Variants in EYA2 observed in about 807,000 individuals in gnomAD.
EYA2 encodes the protein EYA transcriptional coactivator and phosphatase 2, also known as protein phosphatase EYA2.
In EYA2, 31 loss-of-function variants were observed where a neutral mutation model predicts 69.2. That is an observed-to-expected ratio of 0.45 (90% CI 0.34 to 0.60). The LOEUF (loss-of-function observed/expected upper bound fraction) is 0.60, where lower values mean the gene tolerates loss of function less well. Among genes scored for constraint, EYA2 ranks in the 20% least tolerant of loss-of-function variants. The pLI, the probability that EYA2 is intolerant of heterozygous loss-of-function variation, is 0.02. For synonymous variants in EYA2, 257 were observed against 279.4 expected (o/e 0.92, Z 0.80); for missense variants, 622 against 701.2 (o/e 0.89, Z 1.28).
chr20:47,057,505 A>C (rs1300182498), intron 5 of EYA2, among the ~76,000 whole-genome samples: 2 of 131,100 alleles, frequency 1.5e-5, no homozygotes, highest in East Asian at 2.2e-4. Context: ...ACTACTTTTT[A>C]TATCACCCCC....
At position 47,188,337 on chromosome 20, in the gene EYA2, G is replaced by C. The variant is rs1005875676; in HGVS notation, c.*204G>C. ...AAGGAAAGTACCCAACATTGGCTTC[G>C]GAGTATTTGACTTTGGGGAAAAGGG... On this transcript the variant is annotated 3_prime_UTR_variant, in exon 16 of 16. Transcript: ENST00000327619. 1.6e-6 allele frequency: 1 copy of C among 607,884 alleles called. No homozygotes were observed. Among genetic ancestry groups the C allele is most frequent in the African/African-American group, 1.9e-5 (1 of 53,980 alleles). The allele number at this position is 607,884 out of a possible 1,614,324, so 37.7% of individuals were successfully genotyped here.
chr20:47,049,407 A>G (rs948715915), intron 5 of EYA2, among the ~76,000 whole-genome samples: 2 of 152,254 alleles, frequency 1.3e-5, no homozygotes, highest in East Asian at 3.9e-4. Context: ...TGTCCTCTCC[A>G]CATTGTTGGA....
chr20:47,169,100 G>GTT (rs750630302), intron 10 of EYA2, 39 bp from the exon 11 acceptor site: 2 of 1,506,958 alleles, frequency 1.3e-6, no homozygotes, highest in South Asian at 1.1e-5. Context: ...AACCAGGCAT[G>GTT]TTCTCTCTCT....
chr20:46,967,759 G>A (rs1227803669), intron 1 of EYA2, among the ~76,000 whole-genome samples: 1 of 152,202 alleles, frequency 6.6e-6, no homozygotes, highest in African/African-American at 2.4e-5. Flanking sequence ...GTGCACAGCA[G>A]TGCTGCACTC....
At position 47,034,837 on chromosome 20, in the gene EYA2, C is replaced by CT. The variant is rs376755609; in HGVS notation, c.415+18541dup. Among the ~76,000 whole-genome samples the CT allele has an allele frequency of 2.2e-3, 331 of 152,320 alleles. 1 individual carries two copies. Among genetic ancestry groups the CT allele is most frequent in the African/African-American group, 7.7e-3 (321 of 41,566 alleles). ...CAGAGGGAGACTGTCCCATGCCTCT[C>CT]TCCTGGCTTCTGGTGGTGGCAGGCA... On this transcript the variant is annotated intron_variant, in intron 5 of 15. Transcript: ENST00000327619.
chr20:47,003,346 T>C (rs1323948644), intron 3 of EYA2, among the ~76,000 whole-genome samples: 2 of 152,230 alleles, frequency 1.3e-5, no homozygotes, highest in African/African-American at 4.8e-5. Flanking sequence ...AATAGGACAG[T>C]GCCTGGCACG....
intron 9 of EYA2, among the ~76,000 whole-genome samples, chr20:47,114,280 A>G (rs2032832961): frequency 6.6e-6 from 1 of 152,212 alleles, no homozygotes; most frequent in African/African-American, 2.4e-5. Flanking sequence ...GTCCCCCTTT[A>G]AGGGTGACGT....
chr20:47,012,642 C>T (rs1482578360), intron 4 of EYA2, among the ~76,000 whole-genome samples: 1 of 152,154 alleles, frequency 6.6e-6, no homozygotes, highest in African/African-American at 2.4e-5. Context: ...TAGAGGTGTG[C>T]ACCACCACAC....
At chr20:46,927,768 A>G (rs571208437) in intron 1 of EYA2, among the ~76,000 whole-genome samples, 10 of 152,166 alleles carry the variant, frequency 6.6e-5, no homozygotes, top group Non-Finnish European at 8.8e-5. Context: ...AACCATATCA[A>G]TGCCCTGCCC....
chr20:46,909,348 G>T (rs771633427), intron 1 of EYA2, among the ~76,000 whole-genome samples: 1 of 152,054 alleles, frequency 6.6e-6, no homozygotes, highest in Non-Finnish European at 1.5e-5. Context: ...GTAATTCAAT[G>T]GGGGTGCAGG....
chr20:46,904,566 A>C (rs995262948), intron 1 of EYA2, among the ~76,000 whole-genome samples: 2 of 152,160 alleles, frequency 1.3e-5, no homozygotes, highest in African/African-American at 4.8e-5. Context: ...TTTGAAATGC[A>C]TGTTTCCCCT....
chr20:47,123,304 A>G (rs993121131), intron 9 of EYA2, among the ~76,000 whole-genome samples: 3 of 152,310 alleles, frequency 2.0e-5, no homozygotes, highest in Admixed American at 1.3e-4. Flanking sequence ...TGTGTTGGGA[A>G]TGTTTAATAT....
At chr20:47,015,479 G>T (rs530268119) in intron 4 of EYA2, among the ~76,000 whole-genome samples, 1 of 152,124 alleles carries the variant, frequency 6.6e-6, no homozygotes, top group Non-Finnish European at 1.5e-5. Context: ...TCTTTGCAGA[G>T]GAAGGGTGGT....
intron 10 of EYA2, among the ~76,000 whole-genome samples, chr20:47,164,314 T>G (rs1382422405): frequency 6.6e-6 from 1 of 152,190 alleles, no homozygotes; most frequent in East Asian, 1.9e-4. Flanking sequence ...TTGCTACTGT[T>G]GTCACACTTT....
chr20:47,087,089 AAG>A (rs1326814371), intron 7 of EYA2, among the ~76,000 whole-genome samples: 1 of 152,170 alleles, frequency 6.6e-6, no homozygotes, highest in African/African-American at 2.4e-5. Context: ...CTGCATCCTG[AAG>A]ACTCTGGGGA....
intron 4 of EYA2, among the ~76,000 whole-genome samples, chr20:47,008,287 T>C (rs1354319028): frequency 6.6e-6 from 1 of 152,198 alleles, no homozygotes; most frequent in East Asian, 1.9e-4. Context: ...TCAGAGAGGT[T>C]AAATAACTTA....
intron 6 of EYA2, among the ~76,000 whole-genome samples, chr20:47,073,617 G>A (rs2031398486): frequency 6.6e-6 from 1 of 152,054 alleles, no homozygotes; most frequent in African/African-American, 2.4e-5. Flanking sequence ...TAGTGACCAG[G>A]ACAGGTGCCA....
Position 47,157,601 on chromosome 20 carries a change from GTTGTTTCTT to G in EYA2, c.979-11535_979-11527del, listed in dbSNP as rs542428819. Among the ~76,000 whole-genome samples, 27 of 151,962 alleles carry G rather than the reference GTTGTTTCTT, an allele frequency of 1.8e-4. No homozygotes were observed. The East Asian group carries it at 4.8e-3, about 27-fold the overall frequency. On this transcript the variant is annotated intron_variant, in intron 10 of 15. Coordinates refer to ENST00000327619, the MANE Select transcript of EYA2 (RefSeq NM_005244.5). ...TGGACATTACTAAAATCCAGGGGAG[GTTGTTTCTT>G]TTAATTACAAGAATGCCAGGCACAC... is the stretch of plus-strand genomic sequence containing the variant.
chr20:47,125,047 G>GTTT (rs11478823), intron 9 of EYA2, among the ~76,000 whole-genome samples: 45 of 88,398 alleles, frequency 5.1e-4, no homozygotes, highest in Non-Finnish European at 7.7e-4. Context: ...TTTTGGTTAA[G>GTTT]TTTTTTTTTT....
Sources: gnomAD v4.1 joint callset for allele counts (sites outside exome capture counted in the v4.1 genomes callset) on GRCh38, gnomAD v4.1.1 for gene constraint, MANE v1.5 for transcripts, NCBI Gene and HGNC (gene_info 2026-07-23, HGNC 2026-07-21) for gene names.